CACNA1C: variants seen among roughly 807,000 people sequenced by gnomAD.
The protein encoded by CACNA1C is voltage-dependent L-type calcium channel subunit alpha-1C.
A neutral mutation model predicts 229.0 loss-of-function variants in CACNA1C; 30 were observed. The ratio of observed to expected loss-of-function variants is 0.13; its 90% CI spans 0.10 to 0.18. The LOEUF is 0.18. Among genes scored for constraint, CACNA1C ranks in the 10% least tolerant of loss-of-function variants. The pLI, the probability that CACNA1C is intolerant of heterozygous loss-of-function variation, is 1.00. For missense variants in CACNA1C, 1,658 were observed against 2,845.0 expected (o/e 0.58, Z 9.49); for synonymous variants, 1,114 against 1,132.5 (o/e 0.98, Z 0.33).
intron 1 of CACNA1C, among the ~76,000 whole-genome samples, chr12:1,986,295 C>T (rs538740627): frequency 3.0e-4 from 46 of 152,158 alleles, no homozygotes; most frequent in Non-Finnish European, 5.4e-4. Flanking sequence ...ATTAGGAGAT[C>T]TCCTCATCCA....
intron 12 of CACNA1C, among the ~76,000 whole-genome samples, chr12:2,567,002 T>C (rs1361967730): frequency 7.2e-6 from 1 of 138,726 alleles, no homozygotes; most frequent in African/African-American, 2.7e-5. Flanking sequence ...GAGAAGAGAA[T>C]AGGGCCTGAG....
At chr12:2,557,247 T>C (rs1293356843) in intron 11 of CACNA1C, among the ~76,000 whole-genome samples, 1 of 152,230 alleles carries the variant, frequency 6.6e-6, no homozygotes, top group Non-Finnish European at 1.5e-5. Flanking sequence ...CAAATGTGTT[T>C]TCCTCCCTTC....
chr12:2,578,084 G>A (rs898306709), intron 13 of CACNA1C, among the ~76,000 whole-genome samples: 4 of 151,928 alleles, frequency 2.6e-5, no homozygotes, highest in African/African-American at 7.3e-5. Context: ...TAGCCAGGAT[G>A]GTCTCGATCT....
In CACNA1C at chr12:2,684,155, G is replaced by A. The variant is rs373944105; in HGVS notation, c.5573+1477G>A. 2.5e-3 allele frequency among the ~76,000 whole-genome samples: 378 copies of A among 152,290 alleles called. 2 individuals are homozygous for A. The highest frequency in any genetic ancestry group is 4.4e-3 in the African/African-American group (181 of 41,556). Reference sequence around the variant, plus strand: ...TCCTGGGGTCCAGTGCTTTCTGCTCGGGAACTGGATGGGAAGAGTAGCAGA... The same window carrying A: ...TCCTGGGGTCCAGTGCTTTCTGCTCAGGAACTGGATGGGAAGAGTAGCAGA... On this transcript the variant is annotated intron_variant, in intron 43 of 46. Transcript: ENST00000399655.
chr12:2,062,459 C>T (rs1014681401), intron 1 of CACNA1C, among the ~76,000 whole-genome samples: 3 of 152,238 alleles, frequency 2.0e-5, no homozygotes, highest in African/African-American at 4.8e-5. Context: ...TGTTACTTCT[C>T]CCCATGGAGA....
chr12:2,156,359 A>G lies in CACNA1C; in HGVS notation c.477+35929A>G, dbSNP rs187267574. Among the ~76,000 whole-genome samples the G allele has an allele frequency of 5.4e-3, 819 of 152,370 alleles. 4 individuals are homozygous for G. The highest frequency in any genetic ancestry group is 0.027 in the Middle Eastern group (8 of 294). On this transcript the variant is annotated intron_variant, in intron 3 of 46. Coordinates refer to ENST00000399655, the MANE Select transcript of CACNA1C (RefSeq NM_000719.7). ...CTAGTAGCGTAAAAATTGCAGATTC[A>G]TATGGTGGGTTGAATGCTCTCTTCC...
rs1241478355 is a variant in CACNA1C at position 2,678,116 on chromosome 12, C to T, written c.5091+249C>T. 4.6e-5 allele frequency among the ~76,000 whole-genome samples: 7 copies of T among 152,172 alleles called. No homozygotes were observed. Among genetic ancestry groups the T allele is most frequent in the African/African-American group, 1.4e-4 (6 of 41,432 alleles). Reference sequence around the variant, plus strand: ...GGCTCTCAGAGAAGCGGGAAGGAACCGCCTTCCTAAGGGAAATGTTTCCTA... The same window carrying T: ...GGCTCTCAGAGAAGCGGGAAGGAACTGCCTTCCTAAGGGAAATGTTTCCTA... On this transcript the variant is annotated intron_variant, in intron 41 of 46. Coordinates refer to ENST00000399655, the MANE Select transcript of CACNA1C (RefSeq NM_000719.7). The surrounding 1 kb of genome is among the most constrained non-coding windows in gnomAD (Gnocchi z 4.1).
chr12:2,344,589 T>C (rs2154523192), intron 3 of CACNA1C, among the ~76,000 whole-genome samples: 1 of 152,262 alleles, frequency 6.6e-6, no homozygotes, highest in Non-Finnish European at 1.5e-5. Flanking sequence ...ACCTCCTCCC[T>C]CAATAGTGTC....
chr12:2,606,615 A>G lies in CACNA1C; in HGVS notation c.3161A>G (p.Lys1054Arg), dbSNP rs1305965146. 3 of 1,605,644 alleles carry G rather than the reference A, an allele frequency of 1.9e-6. No individual in the cohort carries two copies. The highest frequency in any genetic ancestry group is 2.6e-6 in the Non-Finnish European group (3 of 1,176,328). Residue 1054 changes from lysine (K) to arginine (R), a missense_variant, in exon 25 of 47, where the codon AAG becomes AGG. This residue lies in a region of CACNA1C where 39 missense variants were observed against 143.3 expected (regional missense o/e 0.27). Coordinates refer to ENST00000399655, the MANE Select transcript of CACNA1C (RefSeq NM_000719.7). ...ACTCTGTTCTCTGCCTTCCAGGGAA[A>G]GCTGTACACCTGTTCAGACAGTTCC... ...ACIGVQLFKGKLYTCSDSSKQ... is the reference protein window; with the variant it reads ...ACIGVQLFKGRLYTCSDSSKQ...
At chr12:2,143,602 T>C (rs2094460625) in intron 3 of CACNA1C, among the ~76,000 whole-genome samples, 1 of 151,332 alleles carries the variant, frequency 6.6e-6, no homozygotes, top group African/African-American at 2.4e-5. Flanking sequence ...GTATGTAGCA[T>C]ACAGTCTGCG....
intron 3 of CACNA1C, among the ~76,000 whole-genome samples, chr12:2,377,282 A>G (rs1285977749): frequency 6.6e-6 from 1 of 152,124 alleles, no homozygotes. Flanking sequence ...TTGTGAGCAC[A>G]AGCTGGGAGG....
intron 46 of CACNA1C, among the ~76,000 whole-genome samples, chr12:2,690,400 G>A (rs570135703): frequency 2.0e-5 from 3 of 152,330 alleles, no homozygotes; most frequent in South Asian, 4.1e-4. Context: ...TACAATCACA[G>A]CTCAGTGCAG....
At chr12:2,456,779 T>C (rs891187131) in intron 4 of CACNA1C, among the ~76,000 whole-genome samples, 2 of 152,208 alleles carry the variant, frequency 1.3e-5, no homozygotes, top group Non-Finnish European at 2.9e-5. Context: ...CACTCATCAC[T>C]CTAAGCTGCA....
intron 4 of CACNA1C, among the ~76,000 whole-genome samples, chr12:2,456,579 G>C (rs1473277305): frequency 6.6e-6 from 1 of 152,132 alleles, no homozygotes; most frequent in Non-Finnish European, 1.5e-5. Context: ...CCCCTCCCTT[G>C]GGCCCCTGGC....
chr12:2,624,743 C>T (rs923589720), intron 29 of CACNA1C, among the ~76,000 whole-genome samples: 11 of 152,222 alleles, frequency 7.2e-5, no homozygotes, highest in Non-Finnish European at 1.6e-4. Flanking sequence ...CACACATAGC[C>T]TCAGGCTGGC....
intron 21 of CACNA1C, among the ~76,000 whole-genome samples, chr12:2,598,220 A>G (rs761361541): frequency 6.6e-6 from 1 of 152,106 alleles, no homozygotes; most frequent in African/African-American, 2.4e-5. Context: ...CAGGTGCCGC[A>G]AGGAACCTGA....
chr12:2,585,036 G>C lies in CACNA1C; in HGVS notation c.2340-340G>C, dbSNP rs548522108. The stretch of plus-strand genomic sequence containing the variant: ...CTATGTTGTATCCTATCATTATCTA[G>C]ACGGGACAGTTCCAGGCCACACAGC... On this transcript the variant is annotated intron_variant, in intron 16 of 46. Transcript: ENST00000399655. This position sits in a 1 kb window ranked among gnomAD's most constrained non-coding sequence, Gnocchi z 4.1. Among the ~76,000 whole-genome samples, 1 of 152,272 alleles carries C rather than the reference G, an allele frequency of 6.6e-6. No homozygotes were observed. The highest frequency in any genetic ancestry group is 6.5e-5 in the Admixed American group (1 of 15,300).
chr12:1,996,324 C>T (rs1488909287), intron 1 of CACNA1C, among the ~76,000 whole-genome samples: 1 of 152,096 alleles, frequency 6.6e-6, no homozygotes, highest in Non-Finnish European at 1.5e-5. Flanking sequence ...GCTAGCAAAT[C>T]TCTTTACACT....
chr12:2,397,297 G>A (rs2098601413), intron 3 of CACNA1C, among the ~76,000 whole-genome samples: 2 of 152,246 alleles, frequency 1.3e-5, no homozygotes, highest in Admixed American at 6.5e-5. Context: ...CTTGGATTTT[G>A]AATCGAAGTC....
Sources: gnomAD v4.1 joint callset for allele counts (sites outside exome capture counted in the v4.1 genomes callset) on GRCh38, gnomAD v4.1.1 for gene constraint, gnomAD v4.1.1 regional missense constraint, Gnocchi (gnomAD v3.1) non-coding constraint, MANE v1.5 for transcripts, NCBI Gene and HGNC (gene_info 2026-07-23, HGNC 2026-07-21) for gene names.